EFHC2: variants seen among roughly 807,000 people sequenced by gnomAD.
EFHC2 encodes EF-hand domain-containing family member C2.
EFHC2 carries 18 observed loss-of-function variants against 52.7 expected under a neutral mutation model. The ratio of observed to expected loss-of-function variants is 0.34; its 90% CI spans 0.24 to 0.51. The LOEUF (loss-of-function observed/expected upper bound fraction) is 0.51, where lower values mean the gene tolerates loss of function less well. Ranked by LOEUF, EFHC2 falls within the 20% of genes least tolerant of loss-of-function variation. The probability of loss-of-function intolerance (pLI) is 0.97; values close to 1 mark genes in which losing one functional copy is unlikely to be tolerated. For synonymous variants in EFHC2, 203 were observed against 204.1 expected, an observed-to-expected ratio of 0.99 and a Z score of 0.04; for missense variants, 513 against 562.5, an observed-to-expected ratio of 0.91 and a Z score of 0.89.
intron 2 of EFHC2, chrX:44,310,379 C>T: frequency 1.0e-6 from 1 of 965,069 alleles, no homozygotes; most frequent in East Asian, 3.3e-5. Context: ...GGCCGGCGGC[C>T]TGTTCACCTT....
intron 2 of EFHC2, among the ~76,000 whole-genome samples, chrX:44,291,921 AC>A (rs1368478839): frequency 8.9e-6 from 1 of 112,053 alleles, no homozygotes; most frequent in Non-Finnish European, 1.9e-5. Flanking sequence ...CAATTAAAAA[AC>A]ACTTGATATT....
chrX:44,161,948 T>C (rs2036658339), intron 14 of EFHC2, among the ~76,000 whole-genome samples: 1 of 112,053 alleles, frequency 8.9e-6, no homozygotes, highest in Non-Finnish European at 1.9e-5. Context: ...AGACCTGAGT[T>C]AAAATTCTGA....
chrX:44,253,596 T>A (rs2037470150), intron 4 of EFHC2, among the ~76,000 whole-genome samples: 1 of 111,913 alleles, frequency 8.9e-6, no homozygotes, highest in Non-Finnish European at 1.9e-5. Context: ...GGGTAAGGCA[T>A]CTATGAAAGA....
At chrX:44,176,424 T>C in intron 12 of EFHC2, 40 bp from the exon 13 acceptor site, 4 of 931,812 alleles carry the variant, frequency 4.3e-6, no homozygotes, top group Non-Finnish European at 5.9e-6. Context: ...ATATACCTTG[T>C]ATACCTTTAG....
At chrX:44,307,829 G>A (rs978433632) in intron 2 of EFHC2, among the ~76,000 whole-genome samples, 34 of 110,448 alleles carry the variant, frequency 3.1e-4, no homozygotes, top group African/African-American at 1.1e-3. Flanking sequence ...AGCTACTCGG[G>A]AGGCTGAGAC....
intron 12 of EFHC2, among the ~76,000 whole-genome samples, chrX:44,177,597 T>C (rs1324019359): frequency 4.5e-5 from 5 of 112,124 alleles, no homozygotes; most frequent in Admixed American, 9.5e-5. Flanking sequence ...TATGTAACAA[T>C]GACTTAATGA....
Position 44,309,545 on chromosome X carries a change from G to A in EFHC2, c.231+3023C>T, listed in dbSNP as rs2037929822. The A allele has an allele frequency of 5.8e-6, 7 of 1,197,152 alleles. No individual in the cohort carries two copies. The Admixed American group carries it at 1.1e-4, about 19-fold the overall frequency. The stretch of plus-strand genomic sequence containing the variant: ...ATTAGAGTGCAATTCATCCCAATGA[G>A]CTTCACAGGCAAGGCCTCGGTGAGG... On this transcript the variant is annotated intron_variant, in intron 2 of 14. Transcript: ENST00000420999.
Position 44,248,978 on chromosome X carries a change from C to G in EFHC2, c.859-62G>C, listed in dbSNP as rs1051475402. On this transcript the variant is annotated intron_variant, in intron 5 of 14. Transcript: ENST00000420999. ...TAATCCATTCCCTTTCTTACTATAA[C>G]CCCAGGGCTGGCATAGAGGTGGCAC... 13 of 797,380 alleles carry G rather than the reference C, an allele frequency of 1.6e-5. No homozygotes were observed. In the African/African-American group the frequency reaches 1.7e-4, roughly 10 times the overall value. The allele number at this position is 797,380 out of a possible 1,213,427, so 65.7% of individuals were successfully genotyped here. A position where few individuals can be genotyped will look rare whatever the true frequency, so the allele number is the denominator to read the frequency against.
chrX:44,300,492 T>G (rs1388913297), intron 2 of EFHC2, among the ~76,000 whole-genome samples: 1 of 111,680 alleles, frequency 9.0e-6, no homozygotes, highest in Admixed American at 9.5e-5. Flanking sequence ...TTTACAAAAA[T>G]CATAATTGAG....
chrX:44,292,381 A>G (rs750369841), intron 2 of EFHC2, among the ~76,000 whole-genome samples: 5 of 111,546 alleles, frequency 4.5e-5, no homozygotes, highest in African/African-American at 1.3e-4. Context: ...AAATTCATTT[A>G]TGTTTCATAC....
chrX:44,226,081 A>G (rs890831400), intron 11 of EFHC2, among the ~76,000 whole-genome samples: 1 of 111,826 alleles, frequency 8.9e-6, no homozygotes, highest in Non-Finnish European at 1.9e-5. Flanking sequence ...TGCTCAATAC[A>G]TGGTGGCTTC....
chrX:44,297,087 C>T (rs2037831284), intron 2 of EFHC2, among the ~76,000 whole-genome samples: 1 of 112,107 alleles, frequency 8.9e-6, no homozygotes, highest in Non-Finnish European at 1.9e-5. Flanking sequence ...ATTTGACATG[C>T]ATTACCCATT....
intron 2 of EFHC2, chrX:44,310,508 C>T (rs767530007): frequency 1.2e-5 from 5 of 430,297 alleles, no homozygotes; most frequent in South Asian, 9.4e-5. Flanking sequence ...AGTGAGGGGC[C>T]GGGACCGGGC....
intron 3 of EFHC2, among the ~76,000 whole-genome samples, chrX:44,270,520 G>A (rs1036511882): frequency 1.4e-4 from 16 of 111,816 alleles, no homozygotes; most frequent in Admixed American, 1.2e-3. Flanking sequence ...AGGTAGGTAT[G>A]CTAAGTAGAG....
intron 2 of EFHC2, among the ~76,000 whole-genome samples, chrX:44,276,229 C>G (rs1407767633): frequency 9.0e-6 from 1 of 111,285 alleles, no homozygotes. Flanking sequence ...TCTAGACCAG[C>G]CTGGGTGACA....
At chrX:44,211,980 G>C (rs1382783908) in intron 11 of EFHC2, among the ~76,000 whole-genome samples, 2 of 109,588 alleles carry the variant, frequency 1.8e-5, no homozygotes, top group Admixed American at 2.0e-4. Flanking sequence ...AGACAAGCAG[G>C]AACATACAGA....
intron 1 of EFHC2, among the ~76,000 whole-genome samples, chrX:44,340,040 G>A (rs1425466426): frequency 2.7e-5 from 3 of 110,932 alleles, no homozygotes; most frequent in South Asian, 3.8e-4. Context: ...ACACATGCAC[G>A]CACACACTCC....
intron 1 of EFHC2, among the ~76,000 whole-genome samples, chrX:44,331,070 AACC>A (rs1408237289): frequency 1.8e-5 from 2 of 112,307 alleles, no homozygotes; most frequent in African/African-American, 6.5e-5. Flanking sequence ...CTCACACAAA[AACC>A]TGTACATACA....
intron 2 of EFHC2, among the ~76,000 whole-genome samples, chrX:44,282,332 G>A (rs1046794442): frequency 3.8e-5 from 4 of 105,251 alleles, no homozygotes; most frequent in Admixed American, 2.1e-4. Flanking sequence ...GGCCGGGCAC[G>A]GTGGCTCACA....
Sources: gnomAD v4.1 joint callset for allele counts (sites outside exome capture counted in the v4.1 genomes callset) on GRCh38, gnomAD v4.1.1 for gene constraint, MANE v1.5 for transcripts, NCBI Gene and HGNC (gene_info 2026-07-23, HGNC 2026-07-21) for gene names.